The following ATP8A2 variants were observed in gnomAD, a reference collection of about 807,000 sequenced individuals.
ATP8A2 encodes the protein phospholipid-transporting ATPase IB.
A neutral mutation model predicts 165.6 loss-of-function variants in ATP8A2; 100 were observed. The observed-to-expected ratio is 0.60, with a 90% CI of 0.51 to 0.71. ATP8A2 has a LOEUF of 0.71. Ranked by LOEUF, ATP8A2 falls within the 30% of genes least tolerant of loss-of-function variation. ATP8A2 has a pLI of 0.00. For synonymous variants in ATP8A2, 543 were observed against 548.8 expected, an observed-to-expected ratio of 0.99 and a Z score of 0.15; for missense variants, 1,227 against 1,479.5, an observed-to-expected ratio of 0.83 and a Z score of 2.80.
intron 35 of ATP8A2, among the ~76,000 whole-genome samples, chr13:26,002,421 G>A (rs866812442): frequency 6.6e-6 from 1 of 151,946 alleles, no homozygotes. Flanking sequence ...GTCGTGGGGT[G>A]GGGGGATGGG....
intron 33 of ATP8A2, among the ~76,000 whole-genome samples, chr13:25,872,502 C>T (rs1032845689): frequency 5.3e-5 from 8 of 152,188 alleles, no homozygotes; most frequent in African/African-American, 1.9e-4. Flanking sequence ...TACCATGCAT[C>T]TACCAAGTTG....
intron 27 of ATP8A2, among the ~76,000 whole-genome samples, chr13:25,789,689 A>G (rs1255574850): frequency 6.6e-6 from 1 of 152,258 alleles, no homozygotes; most frequent in African/African-American, 2.4e-5. Flanking sequence ...TTCCTGTCAA[A>G]CGACAAGTGA....
intron 23 of ATP8A2, among the ~76,000 whole-genome samples, chr13:25,585,118 GTAGA>G (rs1442766905): frequency 6.6e-6 from 1 of 152,202 alleles, no homozygotes; most frequent in South Asian, 2.1e-4. Flanking sequence ...TGAATTGTAT[GTAGA>G]TAGACAATCA....
At chr13:25,894,843 A>T (rs1238296677) in intron 33 of ATP8A2, among the ~76,000 whole-genome samples, 2 of 151,952 alleles carry the variant, frequency 1.3e-5, no homozygotes, top group African/African-American at 2.4e-5. Flanking sequence ...TTTGTCTGTT[A>T]TTGGTGTATA....
chr13:25,439,847 TG>T (rs1384215984), intron 1 of ATP8A2, among the ~76,000 whole-genome samples: 1 of 151,648 alleles, frequency 6.6e-6, no homozygotes, highest in Non-Finnish European at 1.5e-5. Context: ...TTTGTGGTTA[TG>T]GTAAGCTATG....
At chr13:25,985,397 T>G (rs1956259662) in intron 35 of ATP8A2, among the ~76,000 whole-genome samples, 1 of 152,198 alleles carries the variant, frequency 6.6e-6, no homozygotes, top group Non-Finnish European at 1.5e-5. Context: ...CATGGTTCCT[T>G]AAAGTCTTTC....
intron 33 of ATP8A2, among the ~76,000 whole-genome samples, chr13:25,878,258 T>C (rs971800597): frequency 5.9e-5 from 9 of 152,088 alleles, no homozygotes; most frequent in Non-Finnish European, 1.3e-4. Flanking sequence ...TGACTTGCTT[T>C]ATAAGGTATG....
chr13:25,685,738 G>C (rs2042587410), intron 24 of ATP8A2, among the ~76,000 whole-genome samples: 1 of 152,166 alleles, frequency 6.6e-6, no homozygotes, highest in Admixed American at 6.5e-5. Flanking sequence ...GAGGGGTGCT[G>C]GGCCTCGCTG....
chr13:25,669,142 A>C lies in ATP8A2; in HGVS notation c.2212-30031A>C, dbSNP rs1439743688. On this transcript the variant is annotated intron_variant, in intron 24 of 36. Transcript: ENST00000381655. ...TTTTTTTGAAAACTAGTTGTTTTGA[A>C]TATTGTTATATGGTATCCCTGGAAA... Among the ~76,000 whole-genome samples, 3 of 152,060 alleles carry C rather than the reference A, an allele frequency of 2.0e-5. No homozygotes were observed. The East Asian group carries it at 5.8e-4, about 29-fold the overall frequency.
At chr13:25,714,655 C>T (rs1278065234) in intron 25 of ATP8A2, among the ~76,000 whole-genome samples, 1 of 152,146 alleles carries the variant, frequency 6.6e-6, no homozygotes, top group Non-Finnish European at 1.5e-5. Context: ...ATAGGCTAAC[C>T]AAACCTTCAC....
chr13:25,939,269 T>C (rs1247714971), intron 33 of ATP8A2, among the ~76,000 whole-genome samples: 2 of 152,208 alleles, frequency 1.3e-5, no homozygotes, highest in African/African-American at 4.8e-5. Flanking sequence ...GGAGGGCTCG[T>C]TCCAGGTGCT....
At chr13:25,928,959 G>A (rs1291619811) in intron 33 of ATP8A2, among the ~76,000 whole-genome samples, 1 of 152,144 alleles carries the variant, frequency 6.6e-6, no homozygotes, top group African/African-American at 2.4e-5. Context: ...AAACACAGAT[G>A]CCTCTCTTTT....
intron 33 of ATP8A2, among the ~76,000 whole-genome samples, chr13:25,930,616 A>T (rs1954745493): frequency 6.6e-6 from 1 of 152,184 alleles, no homozygotes. Context: ...TCGTGTTAAC[A>T]TGTTTCCCCT....
intron 18 of ATP8A2, 26 bp downstream of exon 18, chr13:25,571,718 C>T (rs747161076): frequency 3.8e-6 from 6 of 1,567,178 alleles, no homozygotes; most frequent in Non-Finnish European, 4.4e-6. Context: ...GTGCACATTT[C>T]AGATCACCTG....
chr13:25,913,740 G>C (rs1052490750), intron 33 of ATP8A2, among the ~76,000 whole-genome samples: 3 of 152,196 alleles, frequency 2.0e-5, no homozygotes, highest in Non-Finnish European at 2.9e-5. Context: ...GTGAAAAGCA[G>C]CATTTTTTGA....
In ATP8A2 at chr13:25,817,359, G is replaced by T. The variant is rs548128337; in HGVS notation, c.2680-10759G>T. ...GTATTATGGTCTTTTATGGGGGGGG[G>T]GGGAAACACGATTTTGTGTTTACCT... On this transcript the variant is annotated intron_variant, in intron 27 of 36. Coordinates refer to ENST00000381655, the MANE Select transcript of ATP8A2 (RefSeq NM_016529.6). Among the ~76,000 whole-genome samples, 71 of 126,524 alleles carry T rather than the reference G, an allele frequency of 5.6e-4. 2 individuals carry two copies. In the South Asian group the frequency reaches 0.018, roughly 31 times the overall value. The allele number at this position is 126,524 out of a possible 152,430, so 83.0% of individuals were successfully genotyped here. A position where few individuals can be genotyped will look rare whatever the true frequency, so the allele number is the denominator to read the frequency against.
At chr13:25,898,872 G>A (rs377372365) in intron 33 of ATP8A2, among the ~76,000 whole-genome samples, 77 of 152,322 alleles carry the variant, frequency 5.1e-4, no homozygotes, top group African/African-American at 1.5e-3. Context: ...TGTGAAGCCC[G>A]TTGGAAAAGC....
chr13:25,541,777 C>T lies in ATP8A2; in HGVS notation c.652-142C>T. Reference sequence around the variant, plus strand: ...TACTGGAAAAGTCTGCCTTGAGGGGCTGACAGTTTGACTTGTTAGCCCCCC... The same window carrying T: ...TACTGGAAAAGTCTGCCTTGAGGGGTTGACAGTTTGACTTGTTAGCCCCCC... On this transcript the variant is annotated intron_variant, in intron 8 of 36. Transcript: ENST00000381655. 5.0e-6 allele frequency: 4 copies of T among 807,476 alleles called. No homozygotes were observed. In the South Asian group the frequency reaches 8.2e-5, roughly 17 times the overall value. 50.0% of individuals were successfully genotyped at this position (807,476 alleles called of 1,614,324 possible).
chr13:25,795,375 A>G (rs1258426139), intron 27 of ATP8A2, among the ~76,000 whole-genome samples: 9 of 152,238 alleles, frequency 5.9e-5, no homozygotes, highest in Admixed American at 5.9e-4. Flanking sequence ...TCACAAGTGC[A>G]AAGACCTTCT....
Sources: allele counts gnomAD v4.1 joint callset (sites outside exome capture counted in the v4.1 genomes callset), GRCh38; gene constraint gnomAD v4.1.1; transcripts MANE v1.5; gene names NCBI Gene and HGNC (gene_info 2026-07-23, HGNC 2026-07-21).